CNTN6: variants seen among roughly 807,000 people sequenced by gnomAD.
The protein encoded by CNTN6 is contactin-6.
CNTN6 carries 137 observed loss-of-function variants against 122.8 expected under a neutral mutation model. The observed-to-expected ratio is 1.12, with a 90% CI of 0.97 to 1.29. The LOEUF is 1.29. Among genes scored for constraint, CNTN6 ranks in the 50% most tolerant of loss-of-function variants. The probability of loss-of-function intolerance (pLI) is 0.00; values close to 1 mark genes in which losing one functional copy is unlikely to be tolerated. For missense variants in CNTN6, 1,634 were observed against 1,223.4 expected (o/e 1.34, Z -5.01); for synonymous variants, 570 against 426.0 (o/e 1.34, Z -4.16).
At chr3:1,222,697 T>C (rs1393255186) in intron 3 of CNTN6, among the ~76,000 whole-genome samples, 1 of 152,088 alleles carries the variant, frequency 6.6e-6, no homozygotes, top group Non-Finnish European at 1.5e-5. Context: ...CTGGTTTGGC[T>C]CATTTCTTTT....
chr3:1,297,638 C>CT (rs71303106), intron 6 of CNTN6, among the ~76,000 whole-genome samples: 5,849 of 138,506 alleles, frequency 0.042, 123 homozygotes, highest in African/African-American at 0.055. Flanking sequence ...TTGTTTTTTT[C>CT]TTTTTTTTTT....
At chr3:1,218,645 G>C (rs935346194) in intron 2 of CNTN6, among the ~76,000 whole-genome samples, 1 of 152,110 alleles carries the variant, frequency 6.6e-6, no homozygotes, top group Non-Finnish European at 1.5e-5. Context: ...TGGGCACCAG[G>C]GTTCTCACAG....
At chr3:1,358,323 G>A (rs1301384229) in intron 12 of CNTN6, among the ~76,000 whole-genome samples, 1 of 151,840 alleles carries the variant, frequency 6.6e-6, no homozygotes, top group East Asian at 1.9e-4. Flanking sequence ...TGTTTCTTGA[G>A]TTTTTAGTTA....
chr3:1,245,295 C>CATATATAT (rs71056326), intron 4 of CNTN6, among the ~76,000 whole-genome samples: 4 of 3,796 alleles, frequency 1.1e-3, no homozygotes, highest in Non-Finnish European at 2.1e-3. Flanking sequence ...ATATATATAA[C>CATATATAT]ATATATATAT....
At chr3:1,177,581 A>G (rs1040439954) in intron 2 of CNTN6, among the ~76,000 whole-genome samples, 2 of 152,248 alleles carry the variant, frequency 1.3e-5, no homozygotes, top group Non-Finnish European at 1.5e-5. Flanking sequence ...TCTGCTGACA[A>G]TGTAATCTCT....
intron 17 of CNTN6, among the ~76,000 whole-genome samples, chr3:1,380,907 C>A (rs1333033922): frequency 6.6e-6 from 1 of 152,180 alleles, no homozygotes; most frequent in Admixed American, 6.5e-5. Flanking sequence ...TTCACAATTT[C>A]TTTATTTTAC....
At chr3:1,223,550 A>G (rs1311277414) in intron 3 of CNTN6, among the ~76,000 whole-genome samples, 1 of 152,246 alleles carries the variant, frequency 6.6e-6, no homozygotes, top group East Asian at 1.9e-4. Flanking sequence ...GGGCTACCCA[A>G]AGATGGTGCT....
intron 1 of CNTN6, among the ~76,000 whole-genome samples, chr3:1,147,092 A>G (rs910037750): frequency 2.6e-5 from 4 of 152,108 alleles, no homozygotes; most frequent in Non-Finnish European, 4.4e-5. Flanking sequence ...AAATTTTATT[A>G]TTTATTATCA....
At chr3:1,173,235 A>G (rs148269528) in intron 2 of CNTN6, 50 of 456,662 alleles carry the variant, frequency 1.1e-4, no homozygotes, top group Middle Eastern at 6.5e-4. Context: ...TCTGCTGCTA[A>G]CTGGACTTCG....
chr3:1,379,741 G>C (rs1233865804), intron 17 of CNTN6, among the ~76,000 whole-genome samples: 2 of 152,086 alleles, frequency 1.3e-5, no homozygotes, highest in South Asian at 2.1e-4. Flanking sequence ...CTTGCAGAAA[G>C]TAAATTAGTG....
At chr3:1,378,748 A>T (rs1206434636) in intron 17 of CNTN6, among the ~76,000 whole-genome samples, 1 of 152,144 alleles carries the variant, frequency 6.6e-6, no homozygotes. Context: ...AAGTGACATC[A>T]TTGGGCAGAG....
At chr3:1,198,862 A>G (rs911644116) in intron 2 of CNTN6, among the ~76,000 whole-genome samples, 1 of 152,172 alleles carries the variant, frequency 6.6e-6, no homozygotes, top group African/African-American at 2.4e-5. Context: ...TCGCATATGT[A>G]ATTTGTTAAA....
chr3:1,185,544 G>A (rs1022900340), intron 2 of CNTN6, among the ~76,000 whole-genome samples: 2 of 152,160 alleles, frequency 1.3e-5, no homozygotes, highest in African/African-American at 4.8e-5. Flanking sequence ...GCCACTGAAT[G>A]TGCTAATCTA....
intron 5 of CNTN6, among the ~76,000 whole-genome samples, chr3:1,294,703 C>T (rs1473224911): frequency 2.0e-5 from 3 of 152,184 alleles, no homozygotes; most frequent in Admixed American, 6.5e-5. Flanking sequence ...TCGACTCCTC[C>T]GTCACTTGGA....
intron 7 of CNTN6, among the ~76,000 whole-genome samples, chr3:1,306,492 A>G (rs1330978031): frequency 1.3e-5 from 2 of 152,318 alleles, no homozygotes; most frequent in East Asian, 3.9e-4. Flanking sequence ...TAAATAATTT[A>G]TCAGTGAATT....
intron 2 of CNTN6, among the ~76,000 whole-genome samples, chr3:1,202,262 C>G (rs911409309): frequency 6.6e-6 from 1 of 152,226 alleles, no homozygotes; most frequent in Non-Finnish European, 1.5e-5. Context: ...ATGTTTGGGC[C>G]GGGCGCGGTG....
intron 2 of CNTN6, among the ~76,000 whole-genome samples, chr3:1,198,419 A>G (rs1471854923): frequency 6.6e-6 from 1 of 152,186 alleles, no homozygotes; most frequent in African/African-American, 2.4e-5. Context: ...TTACCACACA[A>G]ATTGCATTTT....
chr3:1,357,665 C>T (rs1472919003), intron 12 of CNTN6, among the ~76,000 whole-genome samples: 1 of 151,846 alleles, frequency 6.6e-6, no homozygotes, highest in Admixed American at 6.6e-5. Context: ...GACAATTTTA[C>T]ATCGCATTGT....
At chr3:1,212,683 C>G (rs1663968797) in intron 2 of CNTN6, among the ~76,000 whole-genome samples, 1 of 151,112 alleles carries the variant, frequency 6.6e-6, no homozygotes, top group South Asian at 2.1e-4. Flanking sequence ...TTTGAAAATG[C>G]ATTTTGATTT....
Sources: allele counts gnomAD v4.1 joint callset (sites outside exome capture counted in the v4.1 genomes callset), GRCh38; gene constraint gnomAD v4.1.1; transcripts MANE v1.5; gene names NCBI Gene and HGNC (gene_info 2026-07-23, HGNC 2026-07-21).